The following VANGL1 variants were observed in gnomAD, a reference collection of about 807,000 sequenced individuals.
The protein encoded by VANGL1 is VANGL planar cell polarity protein 1.
In VANGL1, 18 loss-of-function variants were observed where a neutral mutation model predicts 48.4. The observed-to-expected ratio is 0.37, with a 90% CI of 0.26 to 0.55. The LOEUF (loss-of-function observed/expected upper bound fraction) is 0.55. Ranked by LOEUF, VANGL1 falls within the 20% of genes least tolerant of loss-of-function variation. The pLI is 0.81. For missense variants in VANGL1, 667 were observed against 675.8 expected (o/e 0.99, Z 0.14); for synonymous variants, 257 against 261.8 (o/e 0.98, Z 0.18).
intron 3 of VANGL1, among the ~76,000 whole-genome samples, chr1:115,662,001 A>T (rs1652575334): frequency 6.6e-6 from 1 of 152,238 alleles, no homozygotes; most frequent in Admixed American, 6.5e-5. Flanking sequence ...TTAGATTTAT[A>T]TGAAACCGCC....
chr1:115,681,695 C>T (rs769123066), intron 4 of VANGL1, among the ~76,000 whole-genome samples: 4 of 151,854 alleles, frequency 2.6e-5, no homozygotes, highest in Admixed American at 6.6e-5. Context: ...TTAGTAGAGA[C>T]GGGGTTTCAT....
At chr1:115,668,222 T>C (rs1348770201) in intron 4 of VANGL1, among the ~76,000 whole-genome samples, 2 of 152,246 alleles carry the variant, frequency 1.3e-5, no homozygotes, top group African/African-American at 4.8e-5. Flanking sequence ...GATAGTTGCA[T>C]GTTCACGTCA....
intron 2 of VANGL1, among the ~76,000 whole-genome samples, chr1:115,655,531 G>A (rs751395913): frequency 3.3e-5 from 5 of 152,144 alleles, no homozygotes; most frequent in African/African-American, 7.2e-5. Context: ...CAGATGTTGC[G>A]TGGAGACAAA....
intron 1 of VANGL1, among the ~76,000 whole-genome samples, chr1:115,643,723 A>G (rs1258329001): frequency 1.3e-5 from 2 of 152,210 alleles, no homozygotes; most frequent in Admixed American, 6.5e-5. Flanking sequence ...GTATTAAGCA[A>G]CAGGACAAAA....
chr1:115,646,809 A>G (rs529897837), intron 1 of VANGL1, among the ~76,000 whole-genome samples: 79 of 152,192 alleles, frequency 5.2e-4, no homozygotes, highest in Non-Finnish European at 8.2e-4. Context: ...TGGAAGTTGG[A>G]TAGAAAGGAA....
At chr1:115,643,468 G>A (rs1310060293) in intron 1 of VANGL1, among the ~76,000 whole-genome samples, 1 of 152,130 alleles carries the variant, frequency 6.6e-6, no homozygotes, top group Non-Finnish European at 1.5e-5. Context: ...TTTGTGGGAG[G>A]AAACTGTTTC....
chr1:115,651,945 C>T (rs1366344691), intron 2 of VANGL1, among the ~76,000 whole-genome samples: 4 of 152,010 alleles, frequency 2.6e-5, no homozygotes, highest in Non-Finnish European at 4.4e-5. Context: ...TTAGTAGAGA[C>T]GGGGTTTCAC....
intron 2 of VANGL1, among the ~76,000 whole-genome samples, chr1:115,654,402 T>A (rs1236112567): frequency 6.7e-6 from 1 of 148,152 alleles, no homozygotes; most frequent in Non-Finnish European, 1.5e-5. Flanking sequence ...GTTAACTTGC[T>A]GGGAGAATGG....
intron 2 of VANGL1, among the ~76,000 whole-genome samples, chr1:115,657,815 G>A (rs1652404083): frequency 6.6e-6 from 1 of 152,158 alleles, no homozygotes; most frequent in Admixed American, 6.5e-5. Context: ...ACATCTACTT[G>A]GCTTCTAGAG....
chr1:115,675,158 CTTTCT>C (rs1213898176), intron 4 of VANGL1, among the ~76,000 whole-genome samples: 1 of 152,122 alleles, frequency 6.6e-6, no homozygotes, highest in African/African-American at 2.4e-5. Context: ...TGAAAGTGAA[CTTTCT>C]TTTCAAGCAA....
chr1:115,680,017 GTGTGT>G (rs1285216584), intron 4 of VANGL1, among the ~76,000 whole-genome samples: 16,954 of 105,766 alleles, frequency 0.16, 1,001 homozygotes, highest in Middle Eastern at 0.19. Flanking sequence ...GTGTGTGTGT[GTGTGT>G]ATGTGAGAGA....
chr1:115,667,155 A>G (rs181837844), intron 4 of VANGL1, among the ~76,000 whole-genome samples: 1 of 152,328 alleles, frequency 6.6e-6, no homozygotes, highest in African/African-American at 2.4e-5. Flanking sequence ...GCAGCACCCT[A>G]TTGGGCTTAG....
At chr1:115,653,470 C>T (rs554195436) in intron 2 of VANGL1, among the ~76,000 whole-genome samples, 7 of 152,312 alleles carry the variant, frequency 4.6e-5, no homozygotes, top group African/African-American at 1.7e-4. Flanking sequence ...TACCAGGCTT[C>T]CCTCATCCAC....
At chr1:115,673,111 C>G (rs1252865057) in intron 4 of VANGL1, among the ~76,000 whole-genome samples, 1 of 152,194 alleles carries the variant, frequency 6.6e-6, no homozygotes, top group African/African-American at 2.4e-5. Flanking sequence ...CCCTAAAATG[C>G]AGCCACCAGA....
At chr1:115,668,380 C>G (rs931437615) in intron 4 of VANGL1, among the ~76,000 whole-genome samples, 5 of 152,200 alleles carry the variant, frequency 3.3e-5, no homozygotes, top group Non-Finnish European at 4.4e-5. Context: ...GCAGGATTGT[C>G]AAGATGGCTT....
chr1:115,663,831 C>T lies in VANGL1; in HGVS notation c.375C>T (p.Leu125=), dbSNP rs767827063. The T allele has an allele frequency of 6.2e-7, 1 of 1,614,224 alleles. No individual in the cohort carries two copies. Among genetic ancestry groups the T allele is most frequent in the Non-Finnish European group, 8.5e-7 (1 of 1,180,050 alleles). Residue 125 remains leucine (L), a synonymous_variant, in exon 4 of 8, where the codon CTC becomes CTT. Transcript: ENST00000355485. ...VASFLGLLVF[L]TPIAFILLPP... The stretch of plus-strand genomic sequence containing the variant: ...CTTTTCTTGGACTTCTAGTTTTCCT[C>T]ACCCCTATTGCCTTCATCCTTTTAC...
intron 3 of VANGL1, among the ~76,000 whole-genome samples, chr1:115,661,196 AAT>A (rs1271023444): frequency 6.6e-6 from 1 of 152,082 alleles, no homozygotes; most frequent in Non-Finnish European, 1.5e-5. Context: ...CTTTATTGAA[AAT>A]CTAGGGGTTT....
chr1:115,656,961 G>T (rs1363216222), intron 2 of VANGL1, among the ~76,000 whole-genome samples: 1 of 152,226 alleles, frequency 6.6e-6, no homozygotes, highest in African/African-American at 2.4e-5. Flanking sequence ...AAATGTGAGA[G>T]TAGCTGGGGA....
chr1:115,659,096 G>A (rs1373965584), intron 2 of VANGL1, among the ~76,000 whole-genome samples: 2 of 152,102 alleles, frequency 1.3e-5, no homozygotes, highest in Non-Finnish European at 2.9e-5. Context: ...GAACCTGTAA[G>A]AATGAGAAGT....
Sources: allele counts gnomAD v4.1 joint callset (sites outside exome capture counted in the v4.1 genomes callset), GRCh38; gene constraint gnomAD v4.1.1; transcripts MANE v1.5; gene names NCBI Gene and HGNC (gene_info 2026-07-23, HGNC 2026-07-21).